The following PAPPA2 variants were observed in gnomAD, a reference collection of about 807,000 sequenced individuals.
The protein encoded by PAPPA2 is pappalysin-2.
PAPPA2 carries 86 observed loss-of-function variants against 176.4 expected under a neutral mutation model. The observed-to-expected ratio is 0.49, with a 90% CI of 0.41 to 0.58. PAPPA2 has a LOEUF of 0.58. Ranked by LOEUF, PAPPA2 falls within the 20% of genes least tolerant of loss-of-function variation. The probability of loss-of-function intolerance (pLI) is 0.00; values close to 1 mark genes in which losing one functional copy is unlikely to be tolerated. For synonymous variants in PAPPA2, 809 were observed against 852.2 expected, an observed-to-expected ratio of 0.95 and a Z score of 0.88; for missense variants, 2,073 against 2,256.9, an observed-to-expected ratio of 0.92 and a Z score of 1.65.
chr1:176,695,857 T>C lies in PAPPA2; in HGVS notation c.2744T>C (p.Val915Ala). The change falls in exon 7 of 23, where the codon GTG becomes GCG. Residue 915 changes from valine (V) to alanine (A), a missense_variant and splice_region_variant. Physicochemically the swap from Val to Ala is moderately conservative, Grantham distance 64. Transcript: ENST00000367662. ...GGTTATTGGACCCCAGAGGAGGCTG[T>C]GGGTAAAGTACCATGACATTTTTTC... Reference protein sequence around the residue: ...SSGYWTPEEAVGPPDVDQPCE... With the variant: ...SSGYWTPEEAAGPPDVDQPCE... The C allele has an allele frequency of 1.2e-6, 2 of 1,613,870 alleles. No homozygotes were observed. The highest frequency in any genetic ancestry group is 1.7e-6 in the Non-Finnish European group (2 of 1,179,964).
chr1:176,654,477 G>A (rs1190687280), intron 3 of PAPPA2, among the ~76,000 whole-genome samples: 2 of 148,928 alleles, frequency 1.3e-5, no homozygotes, highest in Non-Finnish European at 3.0e-5. Context: ...TATATATTTT[G>A]GTTACCATAG....
Position 176,556,679 on chromosome 1 carries a change from G to A in PAPPA2, c.357G>A (p.Arg119=). The A allele has an allele frequency of 1.2e-6, 2 of 1,614,182 alleles. No individual in the cohort carries two copies. Among genetic ancestry groups the A allele is most frequent in the Non-Finnish European group, 1.7e-6 (2 of 1,180,004 alleles). ...TGACTGAAAATCCAGCAGGACTGAG[G>A]GGTGCAGTTGAAGAGCCGGCTGCCC... The part of the protein sequence containing the change: ...PDLTENPAGL[R]GAVEEPAAPW... Residue 119 remains arginine (R), a synonymous_variant, in exon 2 of 23, where the codon AGG becomes AGA. Transcript: ENST00000367662.
intron 12 of PAPPA2, among the ~76,000 whole-genome samples, chr1:176,733,290 T>C (rs1057077997): frequency 6.6e-6 from 1 of 152,182 alleles, no homozygotes; most frequent in Admixed American, 6.5e-5. Context: ...GATCTTGTGC[T>C]TCAGAAGAAA....
intron 2 of PAPPA2, among the ~76,000 whole-genome samples, chr1:176,593,520 T>C (rs1444646136): frequency 1.3e-5 from 2 of 152,236 alleles, no homozygotes; most frequent in African/African-American, 2.4e-5. Flanking sequence ...GAAGAGGTAC[T>C]GAGGAGGAGA....
rs557019994 is a variant in PAPPA2 at position 176,738,643 on chromosome 1, A to G, written c.3799-983A>G. ...TAAGGTTCAGTTCCAGATTCTGATC[A>G]TACAACACCAATATAACACCAGGGA... On this transcript the variant is annotated intron_variant, in intron 12 of 22. Transcript: ENST00000367662. Among the ~76,000 whole-genome samples the G allele has an allele frequency of 4.6e-4, 70 of 152,266 alleles. 1 individual carries two copies. The South Asian group carries it at 0.014, about 31-fold the overall frequency.
chr1:176,618,461 A>G (rs1446374048), intron 3 of PAPPA2, among the ~76,000 whole-genome samples: 1 of 152,254 alleles, frequency 6.6e-6, no homozygotes, highest in Non-Finnish European at 1.5e-5. Context: ...AGAAATAAGA[A>G]AAGATGCTAG....
At chr1:176,710,391 GA>G in intron 11 of PAPPA2, among the ~76,000 whole-genome samples, 1 of 152,168 alleles carries the variant, frequency 6.6e-6, no homozygotes, top group Middle Eastern at 3.4e-3. Flanking sequence ...TTCTCACCTG[GA>G]AAAATGGGTA....
At chr1:176,498,618 C>T (rs1326094247) in intron 1 of PAPPA2, among the ~76,000 whole-genome samples, 5 of 151,812 alleles carry the variant, frequency 3.3e-5, no homozygotes, top group Admixed American at 6.6e-5. Context: ...GGTGTGGTGG[C>T]GGGCGCCTGT....
intron 4 of PAPPA2, among the ~76,000 whole-genome samples, chr1:176,677,720 G>A (rs983330457): frequency 5.9e-5 from 9 of 151,908 alleles, no homozygotes; most frequent in South Asian, 2.1e-4. Context: ...CATTGTCATC[G>A]ATTCATTCAA....
intron 12 of PAPPA2, among the ~76,000 whole-genome samples, chr1:176,728,581 T>C (rs1276416925): frequency 6.6e-6 from 1 of 151,978 alleles, no homozygotes; most frequent in Non-Finnish European, 1.5e-5. Flanking sequence ...ATACGAATGC[T>C]GATTCTCCCT....
chr1:176,544,689 C>T (rs1322921130), intron 1 of PAPPA2, among the ~76,000 whole-genome samples: 6 of 152,156 alleles, frequency 3.9e-5, no homozygotes, highest in Non-Finnish European at 7.4e-5. Context: ...AAGTTAAGGG[C>T]TCAGTCCCAC....
chr1:176,769,293 T>G (rs967652659), intron 15 of PAPPA2, among the ~76,000 whole-genome samples: 1 of 152,260 alleles, frequency 6.6e-6, no homozygotes, highest in East Asian at 1.9e-4. Flanking sequence ...TCAGTTTCCC[T>G]GGCCCAGAGC....
chr1:176,811,973 T>C (rs1054503097), intron 21 of PAPPA2, among the ~76,000 whole-genome samples: 2 of 152,080 alleles, frequency 1.3e-5, no homozygotes, highest in East Asian at 1.9e-4. Flanking sequence ...ACCGTCCAAA[T>C]TGTAAAACCT....
intron 4 of PAPPA2, among the ~76,000 whole-genome samples, chr1:176,678,106 A>G (rs1414044781): frequency 2.0e-5 from 3 of 152,156 alleles, no homozygotes; most frequent in Non-Finnish European, 4.4e-5. Flanking sequence ...TCCAGAGTGG[A>G]AGAACTGGCA....
chr1:176,721,516 A>G (rs918230233), intron 12 of PAPPA2, among the ~76,000 whole-genome samples: 1 of 152,162 alleles, frequency 6.6e-6, no homozygotes, highest in South Asian at 2.1e-4. Context: ...TTCATTTGGC[A>G]TTCATTTTCA....
intron 2 of PAPPA2, among the ~76,000 whole-genome samples, chr1:176,584,272 CTCTACCTTTAGA>C (rs1363935675): frequency 5.9e-5 from 9 of 152,052 alleles, no homozygotes; most frequent in African/African-American, 1.9e-4. Context: ...TGGGGTCTAG[CTCTACCTTTAGA>C]TCTGATAATA....
At position 176,473,181 on chromosome 1, in the gene PAPPA2, C is replaced by T. The variant is rs553242624; in HGVS notation, c.-917+9763C>T. ...AAAAATTCTCTATGCTCCACCTATTCATCCTTCCCTCCTTCTAACCCCTGT... is the reference window on the plus strand; with the variant it reads ...AAAAATTCTCTATGCTCCACCTATTTATCCTTCCCTCCTTCTAACCCCTGT... On this transcript the variant is annotated intron_variant, in intron 1 of 22. Coordinates refer to ENST00000367662, the MANE Select transcript of PAPPA2 (RefSeq NM_020318.3). 7.9e-5 allele frequency among the ~76,000 whole-genome samples: 12 copies of T among 152,276 alleles called. 1 individual carries two copies. The highest frequency in any genetic ancestry group is 2.9e-4 in the African/African-American group (12 of 41,570).
chr1:176,828,693 G>C (rs1666954244), intron 21 of PAPPA2, among the ~76,000 whole-genome samples: 1 of 151,968 alleles, frequency 6.6e-6, no homozygotes. Flanking sequence ...ATAAAAGAGA[G>C]AAAACAAGTG....
chr1:176,819,675 A>G (rs1666575949), intron 21 of PAPPA2, among the ~76,000 whole-genome samples: 1 of 152,212 alleles, frequency 6.6e-6, no homozygotes, highest in South Asian at 2.1e-4. Context: ...GAAGCAAGCC[A>G]AGGCTGAGCC....
Sources: allele counts gnomAD v4.1 joint callset (sites outside exome capture counted in the v4.1 genomes callset), GRCh38; gene constraint gnomAD v4.1.1; transcripts MANE v1.5; gene names NCBI Gene and HGNC (gene_info 2026-07-23, HGNC 2026-07-21).